The following MTHFD1 variants were observed in gnomAD, a reference collection of about 807,000 sequenced individuals.
MTHFD1 encodes C-1-tetrahydrofolate synthase, cytoplasmic.
Under a neutral mutation model 110.3 loss-of-function variants are expected in MTHFD1, and 44 were observed. The ratio of observed to expected loss-of-function variants is 0.40; its 90% confidence interval spans 0.31 to 0.51. The LOEUF (loss-of-function observed/expected upper bound fraction) is 0.51. Ranked by LOEUF, MTHFD1 falls within the 20% of genes least tolerant of loss-of-function variation. The pLI, the probability that MTHFD1 is intolerant of heterozygous loss-of-function variation, is 0.60. For synonymous variants in MTHFD1, 402 were observed against 428.8 expected (o/e 0.94, Z 0.77); for missense variants, 909 against 1,173.1 (o/e 0.77, Z 3.29).
intron 13 of MTHFD1, among the ~76,000 whole-genome samples, chr14:64,431,211 G>T (rs2078157103): frequency 1.3e-5 from 2 of 151,748 alleles, no homozygotes; most frequent in South Asian, 4.2e-4. Flanking sequence ...GATTACAGGT[G>T]CGCACTACCA....
chr14:64,408,574 C>T (rs190797172), intron 2 of MTHFD1, among the ~76,000 whole-genome samples: 1 of 152,292 alleles, frequency 6.6e-6, no homozygotes, highest in East Asian at 1.9e-4. Context: ...CAGGCGTGAG[C>T]CACCATGCCC....
At chr14:64,427,771 G>A (rs1342799634) in intron 12 of MTHFD1, among the ~76,000 whole-genome samples, 1 of 152,196 alleles carries the variant, frequency 6.6e-6, no homozygotes, top group Non-Finnish European at 1.5e-5. Flanking sequence ...GGTAATCATA[G>A]CTACTGATCA....
chr14:64,457,420 T>G (rs976433491), intron 26 of MTHFD1, among the ~76,000 whole-genome samples: 2 of 152,048 alleles, frequency 1.3e-5, no homozygotes, highest in African/African-American at 2.4e-5. Context: ...TGGCATTTGG[T>G]TTGCAGAAGG....
chr14:64,416,248 A>C (rs1176004256), intron 6 of MTHFD1, among the ~76,000 whole-genome samples: 2 of 148,284 alleles, frequency 1.3e-5, no homozygotes, highest in African/African-American at 5.2e-5. Flanking sequence ...CTGTCTCTAA[A>C]ATAAACAAAC....
chr14:64,396,005 C>A (rs1033721856), intron 1 of MTHFD1, among the ~76,000 whole-genome samples: 1 of 152,142 alleles, frequency 6.6e-6, no homozygotes, highest in African/African-American at 2.4e-5. Flanking sequence ...GAGTTAGAGA[C>A]AATTGGATGG....
chr14:64,429,901 G>A (rs2078145018), intron 12 of MTHFD1, among the ~76,000 whole-genome samples: 2 of 152,162 alleles, frequency 1.3e-5, no homozygotes, highest in Admixed American at 1.3e-4. Context: ...TTGCCTTTAT[G>A]TAACTGTCAG....
intron 26 of MTHFD1, among the ~76,000 whole-genome samples, chr14:64,457,459 CT>C (rs35789478): frequency 1.6e-3 from 226 of 143,036 alleles, no homozygotes; most frequent in Non-Finnish European, 1.5e-3. Flanking sequence ...TTTTCTTTTC[CT>C]TTTTTTTTTT....
At chr14:64,400,645 G>C (rs952541913) in intron 1 of MTHFD1, 148 bp from the exon 2 acceptor site, 1 of 667,190 alleles carries the variant, frequency 1.5e-6, no homozygotes, top group African/African-American at 1.8e-5. Flanking sequence ...CTTTGATTGT[G>C]CCACTGTACT....
At position 64,441,698 on chromosome 14, in the gene MTHFD1, C is replaced by T. The variant is rs753075245; in HGVS notation, c.1884+245C>T. The T allele has an allele frequency of 1.1e-4, 58 of 548,550 alleles. 1 individual carries two copies. The highest frequency in any genetic ancestry group is 1.5e-4 in the African/African-American group (8 of 52,506). 34.0% of individuals were successfully genotyped at this position (548,550 alleles called of 1,614,324 possible). A position where few individuals can be genotyped will look rare whatever the true frequency, so the allele number is the denominator to read the frequency against. ...GCGGGCGCCTGTAGTCCCAGCTGCT[C>T]GGAAGGTTGAGGCAGAATGGCGTGA... is the stretch of plus-strand genomic sequence containing the variant. On this transcript the variant is annotated intron_variant, in intron 19 of 27. Coordinates refer to ENST00000652337, the MANE Select transcript of MTHFD1 (RefSeq NM_005956.4).
Position 64,435,654 on chromosome 14 carries a change from C to T in MTHFD1, c.1580C>T (p.Thr527Ile), listed in dbSNP as rs142264802. Residue 527 changes from threonine to isoleucine, a missense_variant, in exon 16 of 28, where the codon ACC becomes ATC. Thr to Ile is a moderately conservative substitution (Grantham distance 89). This residue lies in a region of MTHFD1 where 482 missense variants were observed against 646.0 expected (regional missense o/e 0.75). Transcript: ENST00000652337. ...GCAAGATTGGACATTGATCCAGAAA[C>T]CATAACTTGGCAAAGAGGTACCAGA... is the stretch of plus-strand genomic sequence containing the variant. ...RFARLDIDPE[T>I]ITWQRVLDTN... 13 of 1,609,284 alleles carry T rather than the reference C, an allele frequency of 8.1e-6. No homozygotes were observed. Among genetic ancestry groups the T allele is most frequent in the Non-Finnish European group, 1.1e-5 (13 of 1,175,780 alleles).
intron 15 of MTHFD1, among the ~76,000 whole-genome samples, chr14:64,432,379 C>T (rs764290095): frequency 6.6e-6 from 1 of 152,204 alleles, no homozygotes; most frequent in Non-Finnish European, 1.5e-5. Flanking sequence ...CCAGAAATCT[C>T]ACCCAAAATA....
At chr14:64,425,165 G>A (rs904951952) in intron 9 of MTHFD1, among the ~76,000 whole-genome samples, 9 of 151,604 alleles carry the variant, frequency 5.9e-5, no homozygotes, top group African/African-American at 2.2e-4. Flanking sequence ...AGAAAAGTGC[G>A]ATCACACTGG....
Position 64,427,449 on chromosome 14 carries a change from C to A in MTHFD1, c.1240C>A (p.Gln414Lys). 6.2e-7 allele frequency: 1 copy of A among 1,614,224 alleles called. No homozygotes were observed. The highest frequency in any genetic ancestry group is 8.5e-7 in the Non-Finnish European group (1 of 1,180,038). The change falls in exon 12 of 28, where the codon CAG (glutamine) becomes AAG (lysine). Residue 414 changes from glutamine (Q) to lysine (K), a missense_variant. Physicochemically the swap from Gln to Lys is moderately conservative, Grantham distance 53. This residue lies in a region of MTHFD1 where 424 missense variants were observed against 510.4 expected (regional missense o/e 0.83). Coordinates refer to ENST00000652337, the MANE Select transcript of MTHFD1 (RefSeq NM_005956.4). Reference protein sequence around the residue: ...NVFACVRQPSQGPTFGIKGGA... With the variant: ...NVFACVRQPSKGPTFGIKGGA... ...CTTTGCGTGTGTGCGACAGCCTTCTCAGGGCCCCACCTTTGGAATAAAAGG... is the reference window on the plus strand; with the variant it reads ...CTTTGCGTGTGTGCGACAGCCTTCTAAGGGCCCCACCTTTGGAATAAAAGG...
chr14:64,438,579 AT>A (rs2078224145), intron 16 of MTHFD1, among the ~76,000 whole-genome samples: 1 of 152,208 alleles, frequency 6.6e-6, no homozygotes, highest in South Asian at 2.1e-4. Flanking sequence ...TTGGATAGAT[AT>A]TCTGTCATCA....
intron 18 of MTHFD1, chr14:64,440,791 C>T (rs961851885): frequency 4.4e-6 from 1 of 229,508 alleles, no homozygotes. Flanking sequence ...CTAAAATAGT[C>T]TAGAATGGAT....
At chr14:64,441,802 CAAA>C (rs35960360) in intron 19 of MTHFD1, 2,635 of 476,598 alleles carry the variant, frequency 5.5e-3, no homozygotes, top group Middle Eastern at 9.6e-3. Flanking sequence ...GACTCCGTGT[CAAA>C]AAAAAAAAAA....
rs529664103 is a variant in MTHFD1, at chr14:64,453,810, C to T, written c.2514C>T (p.Asp838=). ...IIAQKIYGAD[D]IELLPEAQHK... is the part of the protein sequence containing the mutation. ...CACAGAAGATCTATGGAGCAGATGA[C>T]ATTGAATTACTTCCCGAAGCTCAAC... Residue 838 remains aspartate, a synonymous_variant, in exon 25 of 28, where the codon GAC becomes GAT. Transcript: ENST00000652337. The T allele has an allele frequency of 2.5e-6, 4 of 1,613,198 alleles. No individual in the cohort carries two copies. The highest frequency in any genetic ancestry group is 2.2e-5 in the South Asian group (2 of 91,050).
At chr14:64,404,367 C>T (rs2077921909) in intron 2 of MTHFD1, among the ~76,000 whole-genome samples, 1 of 152,178 alleles carries the variant, frequency 6.6e-6, no homozygotes, top group African/African-American at 2.4e-5. Flanking sequence ...TTATTCTTTC[C>T]CTAAGTAACC....
chr14:64,447,149 C>CTTTTT lies in MTHFD1; in HGVS notation c.2179-1047_2179-1043dup, dbSNP rs35824559. 8.9e-4 allele frequency among the ~76,000 whole-genome samples: 50 copies of CTTTTT among 56,242 alleles called. 1 individual carries two copies. The highest frequency in any genetic ancestry group is 1.1e-3 in the East Asian group (2 of 1,848). 36.9% of individuals were successfully genotyped at this position (56,242 alleles called of 152,430 possible). ...GTGAGCTACCACATCCAGCTCAGTT[C>CTTTTT]TTTTTTTTTTTTTTTTTTTTTTTTT... is the stretch of plus-strand genomic sequence containing the variant. On this transcript the variant is annotated intron_variant, in intron 22 of 27. Coordinates refer to ENST00000652337, the MANE Select transcript of MTHFD1 (RefSeq NM_005956.4).
Sources: gnomAD v4.1 joint callset for allele counts (sites outside exome capture counted in the v4.1 genomes callset) on GRCh38, gnomAD v4.1.1 for gene constraint, gnomAD v4.1.1 regional missense constraint, MANE v1.5 for transcripts, NCBI Gene and HGNC (gene_info 2026-07-23, HGNC 2026-07-21) for gene names.